The following MARCHF1 variants were observed in gnomAD, a reference collection of about 807,000 sequenced individuals.
MARCHF1 encodes E3 ubiquitin-protein ligase MARCHF1.
In MARCHF1, 40 loss-of-function variants were observed where a neutral mutation model predicts 54.2. The observed-to-expected ratio is 0.74, with a 90% CI of 0.57 to 0.96. The LOEUF is 0.96. Ranked by LOEUF, MARCHF1 falls within the 40% of genes least tolerant of loss-of-function variation. The probability of loss-of-function intolerance (pLI) is 0.00; values close to 1 mark genes in which losing one functional copy is unlikely to be tolerated. For synonymous variants in MARCHF1, 236 were observed against 236.3 expected, an observed-to-expected ratio of 1.00 and a Z score of 0.01; for missense variants, 586 against 656.5, an observed-to-expected ratio of 0.89 and a Z score of 1.17.
intron 5 of MARCHF1, among the ~76,000 whole-genome samples, chr4:163,642,464 A>G (rs144507795): frequency 0.013 from 2,015 of 152,262 alleles, 36 homozygotes; most frequent in African/African-American, 0.041. Context: ...TATGTGTTTA[A>G]AAGTCACTTC....
intron 4 of MARCHF1, among the ~76,000 whole-genome samples, chr4:163,831,722 C>G (rs1047427356): frequency 1.3e-5 from 2 of 152,104 alleles, no homozygotes; most frequent in Admixed American, 1.3e-4. Context: ...ACAGGAAAGG[C>G]AATTCATGAC....
intron 2 of MARCHF1, among the ~76,000 whole-genome samples, chr4:164,042,865 C>T (rs55794316): frequency 0.11 from 17,201 of 152,180 alleles, 1,106 homozygotes; most frequent in Middle Eastern, 0.22. Context: ...CCAAAACAGA[C>T]GGCTACAGGT....
chr4:163,817,289 A>ATACATATACATACATACATATATATG (rs1748559731), intron 4 of MARCHF1, among the ~76,000 whole-genome samples: 3 of 148,088 alleles, frequency 2.0e-5, no homozygotes, highest in Non-Finnish European at 4.4e-5. Flanking sequence ...GTTTGTGTGT[A>ATACATATACATACATACATATATATG]TACATATACA....
intron 9 of MARCHF1, chr4:163,530,063 A>G (rs893103203): frequency 5.3e-5 from 8 of 152,158 alleles, no homozygotes; most frequent in Admixed American, 3.3e-4. Flanking sequence ...TTTACTTACA[A>G]CAGTGATTAG....
At chr4:163,531,412 C>T (rs1218119919) in intron 9 of MARCHF1, among the ~76,000 whole-genome samples, 2 of 151,676 alleles carry the variant, frequency 1.3e-5, no homozygotes, top group South Asian at 2.1e-4. Context: ...TGACAAAATA[C>T]GACGCTCAAT....
chr4:163,890,256 T>C (rs1210615769), intron 3 of MARCHF1, among the ~76,000 whole-genome samples: 1 of 152,194 alleles, frequency 6.6e-6, no homozygotes, highest in East Asian at 1.9e-4. Flanking sequence ...ACTTTAAATG[T>C]AGGAATGTAT....
intron 5 of MARCHF1, among the ~76,000 whole-genome samples, chr4:163,630,129 C>T (rs920763937): frequency 2.6e-5 from 4 of 152,174 alleles, no homozygotes; most frequent in African/African-American, 9.7e-5. Flanking sequence ...CATCATGATT[C>T]ATACATGAAT....
intron 2 of MARCHF1, among the ~76,000 whole-genome samples, chr4:164,019,817 G>A (rs1473657210): frequency 6.6e-6 from 1 of 152,190 alleles, no homozygotes; most frequent in African/African-American, 2.4e-5. Flanking sequence ...ATAGTATAGG[G>A]CAGACATGGC....
chr4:163,789,397 A>G (rs1369153687), intron 4 of MARCHF1, among the ~76,000 whole-genome samples: 1 of 152,050 alleles, frequency 6.6e-6, no homozygotes, highest in Middle Eastern at 3.4e-3. Flanking sequence ...ACAAATAGGG[A>G]CTAGGCTGCT....
At chr4:163,945,833 C>T (rs756051892) in intron 3 of MARCHF1, among the ~76,000 whole-genome samples, 9 of 152,066 alleles carry the variant, frequency 5.9e-5, no homozygotes, top group African/African-American at 2.2e-4. Flanking sequence ...GAAAAGGGTT[C>T]TACTGCCTTG....
rs1553978599 is a variant in MARCHF1, at chr4:164,081,232, A to AAAAC, written c.-248+30355_-248+30356insGTTT. On this transcript the variant is annotated intron_variant, in intron 2 of 9. Coordinates refer to ENST00000514618, the MANE Select transcript of MARCHF1 (RefSeq NM_001394959.1). ...CAAAAAAAAAAAAAAAAAAAAAAAAAAAAAAGAAATATTATTTGCATATTA... is the reference window on the plus strand; with the variant it reads ...CAAAAAAAAAAAAAAAAAAAAAAAAAAAACAAAAAGAAATATTATTTGCATATTA... Among the ~76,000 whole-genome samples, 24 of 143,620 alleles carry AAAAC rather than the reference A, an allele frequency of 1.7e-4. 2 individuals carry two copies. Among genetic ancestry groups the AAAAC allele is most frequent in the African/African-American group, 5.7e-4 (21 of 36,910 alleles). The allele number at this position is 143,620 out of a possible 152,430, so 94.2% of individuals were successfully genotyped here. A position where few individuals can be genotyped will look rare whatever the true frequency, so the allele number is the denominator to read the frequency against.
Position 164,109,912 on chromosome 4 carries a change from T to TAAAAAAAAAA in MARCHF1, c.-248+1666_-248+1675dup, listed in dbSNP as rs57433858. 2.6e-3 allele frequency among the ~76,000 whole-genome samples: 165 copies of TAAAAAAAAAA among 63,148 alleles called. 1 individual carries two copies. Among genetic ancestry groups the TAAAAAAAAAA allele is most frequent in the South Asian group, 3.7e-3 (5 of 1,344 alleles). The allele number at this position is 63,148 out of a possible 152,430, so 41.4% of individuals were successfully genotyped here. A position where few individuals can be genotyped will look rare whatever the true frequency, so the allele number is the denominator to read the frequency against. On this transcript the variant is annotated intron_variant, in intron 2 of 9. Transcript: ENST00000514618. ...CATACCCCTGAACCTAAAATAAAAG[T>TAAAAAAAAAA]AAAAAAAAAAAAAAAAAAAAAAAAG...
intron 1 of MARCHF1, among the ~76,000 whole-genome samples, chr4:164,259,895 G>A (rs1733414612): frequency 1.3e-5 from 2 of 152,116 alleles, no homozygotes; most frequent in South Asian, 4.1e-4. Context: ...TGTCATTACT[G>A]CATGGCACAG....
At chr4:163,941,014 G>A (rs879739536) in intron 3 of MARCHF1, among the ~76,000 whole-genome samples, 9 of 152,068 alleles carry the variant, frequency 5.9e-5, no homozygotes, top group South Asian at 2.1e-4. Flanking sequence ...TGTCTTCCTC[G>A]GAGTTTCCAA....
intron 1 of MARCHF1, among the ~76,000 whole-genome samples, chr4:164,334,524 A>G (rs1487401328): frequency 8.2e-6 from 1 of 122,346 alleles, no homozygotes; most frequent in Non-Finnish European, 1.9e-5. Flanking sequence ...CCTACTGCTC[A>G]GAAAAAAAAA....
At chr4:163,672,117 C>T (rs1462558166) in intron 5 of MARCHF1, among the ~76,000 whole-genome samples, 3 of 152,124 alleles carry the variant, frequency 2.0e-5, no homozygotes, top group Non-Finnish European at 4.4e-5. Flanking sequence ...TCACACTAAC[C>T]ATGTGATCTT....
At chr4:164,071,004 T>C (rs1754852215) in intron 2 of MARCHF1, among the ~76,000 whole-genome samples, 1 of 152,182 alleles carries the variant, frequency 6.6e-6, no homozygotes, top group African/African-American at 2.4e-5. Context: ...CGCTGCCATG[T>C]AAAAAGAGCC....
At chr4:164,026,168 T>G (rs894665196) in intron 2 of MARCHF1, among the ~76,000 whole-genome samples, 1 of 152,120 alleles carries the variant, frequency 6.6e-6, no homozygotes, top group African/African-American at 2.4e-5. Context: ...AAAGAAGACC[T>G]GGTACCAATT....
At chr4:164,239,057 GT>G (rs967361749) in intron 1 of MARCHF1, among the ~76,000 whole-genome samples, 5 of 151,946 alleles carry the variant, frequency 3.3e-5, no homozygotes, top group African/African-American at 1.2e-4. Context: ...TTATATATTT[GT>G]TGATTATAGG....
Sources: allele counts gnomAD v4.1 joint callset (sites outside exome capture counted in the v4.1 genomes callset), GRCh38; gene constraint gnomAD v4.1.1; transcripts MANE v1.5; gene names NCBI Gene and HGNC (gene_info 2026-07-23, HGNC 2026-07-21).